CNTNAP5: variants seen among roughly 807,000 people sequenced by gnomAD.
The protein encoded by CNTNAP5 is contactin associated protein family member 5.
In CNTNAP5, 72 loss-of-function variants were observed where a neutral mutation model predicts 150.2. The observed-to-expected ratio is 0.48, with a 90% CI of 0.40 to 0.58. The LOEUF (loss-of-function observed/expected upper bound fraction) is 0.58, where lower values mean the gene tolerates loss of function less well. Among genes scored for constraint, CNTNAP5 ranks in the 20% least tolerant of loss-of-function variants. The probability of loss-of-function intolerance (pLI) is 0.00; values close to 1 mark genes in which losing one functional copy is unlikely to be tolerated. For synonymous variants in CNTNAP5, 672 were observed against 619.8 expected (o/e 1.08, Z -1.25); for missense variants, 1,636 against 1,626.2 (o/e 1.01, Z -0.10).
At chr2:124,611,283 C>G (rs1677380004) in intron 12 of CNTNAP5, among the ~76,000 whole-genome samples, 1 of 152,182 alleles carries the variant, frequency 6.6e-6, no homozygotes, top group Non-Finnish European at 1.5e-5. Flanking sequence ...GTATCTCCAG[C>G]TAAATGCAAG....
chr2:124,769,798 G>A (rs1681151412), intron 16 of CNTNAP5, among the ~76,000 whole-genome samples: 1 of 152,138 alleles, frequency 6.6e-6, no homozygotes, highest in Admixed American at 6.5e-5. Flanking sequence ...TTCACATCCA[G>A]ACTCTGCCCC....
intron 2 of CNTNAP5, among the ~76,000 whole-genome samples, chr2:124,237,816 G>A (rs764238380): frequency 1.3e-5 from 2 of 152,048 alleles, no homozygotes; most frequent in Non-Finnish European, 2.9e-5. Flanking sequence ...CAGCCTGGGC[G>A]ACAGAGCAAG....
chr2:124,856,137 G>T (rs1677369087), intron 19 of CNTNAP5, among the ~76,000 whole-genome samples: 1 of 151,958 alleles, frequency 6.6e-6, no homozygotes, highest in South Asian at 2.1e-4. Context: ...GAAATTGTGT[G>T]TGGGGGTGTG....
chr2:124,129,938 C>T (rs1452563422), intron 1 of CNTNAP5, among the ~76,000 whole-genome samples: 2 of 152,148 alleles, frequency 1.3e-5, no homozygotes, highest in African/African-American at 4.8e-5. Context: ...CCTGAAAGCA[C>T]TGAAGACATC....
At chr2:124,246,892 G>A (rs1359917810) in intron 3 of CNTNAP5, among the ~76,000 whole-genome samples, 1 of 151,716 alleles carries the variant, frequency 6.6e-6, no homozygotes, top group African/African-American at 2.4e-5. Context: ...AAATTATGTT[G>A]CCTCTCCCCA....
chr2:124,579,520 T>A (rs1359660088), intron 11 of CNTNAP5, among the ~76,000 whole-genome samples: 1 of 152,250 alleles, frequency 6.6e-6, no homozygotes, highest in Non-Finnish European at 1.5e-5. Flanking sequence ...ATCTAGCTCA[T>A]TCTTTGATCT....
intron 21 of CNTNAP5, among the ~76,000 whole-genome samples, chr2:124,879,815 G>A (rs748076209): frequency 6.6e-6 from 1 of 152,024 alleles, no homozygotes; most frequent in Non-Finnish European, 1.5e-5. Flanking sequence ...TTTGCCCTTT[G>A]CCTGGGGAAT....
rs369793596 is a variant in CNTNAP5 at position 124,462,930 on chromosome 2, G to A, written c.919-11809G>A. 3.3e-5 allele frequency among the ~76,000 whole-genome samples: 5 copies of A among 152,348 alleles called. No individual in the cohort carries two copies. In the South Asian group the frequency reaches 8.3e-4, roughly 25 times the overall value. ...TTGGCCACCCCTCAGGAAGGCAGAT[G>A]AGGGACGAGAACGGTGAAGACCCTT... On this transcript the variant is annotated intron_variant, in intron 6 of 23. Coordinates refer to ENST00000682447, the MANE Select transcript of CNTNAP5 (RefSeq NM_001367498.1).
At chr2:124,653,911 A>ACCCCCCCCCCCCCCCCCCCCCC (rs70996088) in intron 13 of CNTNAP5, among the ~76,000 whole-genome samples, 1 of 57,494 alleles carries the variant, frequency 1.7e-5, no homozygotes. Flanking sequence ...ACTGCCCCCA[A>ACCCCCCCCCCCCCCCCCCCCCC]CCCCCCCCCC....
intron 3 of CNTNAP5, among the ~76,000 whole-genome samples, chr2:124,267,114 C>T (rs1010541473): frequency 6.6e-6 from 1 of 152,010 alleles, no homozygotes; most frequent in African/African-American, 2.4e-5. Flanking sequence ...TAAAGACTGC[C>T]TGCCCCTGAA....
chr2:124,053,805 T>C (rs1006139311), intron 1 of CNTNAP5, among the ~76,000 whole-genome samples: 3 of 152,168 alleles, frequency 2.0e-5, no homozygotes, highest in African/African-American at 7.2e-5. Context: ...TGGGGCAATA[T>C]AATCCAGAAG....
chr2:124,789,370 T>C (rs1253859098), intron 17 of CNTNAP5, among the ~76,000 whole-genome samples: 1 of 151,774 alleles, frequency 6.6e-6, no homozygotes, highest in East Asian at 1.9e-4. Context: ...AGGGAGGGGG[T>C]TCCCAGCCTA....
chr2:124,035,735 A>G (rs1681195145), intron 1 of CNTNAP5, among the ~76,000 whole-genome samples: 2 of 152,036 alleles, frequency 1.3e-5, no homozygotes, highest in African/African-American at 4.8e-5. Flanking sequence ...TGATGACCCA[A>G]GTTTATTAGC....
At chr2:124,212,185 A>T (rs914225534) in intron 1 of CNTNAP5, among the ~76,000 whole-genome samples, 4 of 152,192 alleles carry the variant, frequency 2.6e-5, no homozygotes, top group Non-Finnish European at 4.4e-5. Flanking sequence ...TTTTAATTTT[A>T]AAAAAGTTCT....
intron 11 of CNTNAP5, among the ~76,000 whole-genome samples, chr2:124,602,140 C>T (rs1406005912): frequency 6.6e-6 from 1 of 151,852 alleles, no homozygotes; most frequent in Non-Finnish European, 1.5e-5. Context: ...GTCAGGAGTT[C>T]GAGACCAGCC....
chr2:124,822,985 A>G (rs1282731539), intron 19 of CNTNAP5, among the ~76,000 whole-genome samples: 4 of 152,238 alleles, frequency 2.6e-5, no homozygotes, highest in African/African-American at 9.6e-5. Context: ...ATGGAGGTGC[A>G]TAAGGCATGT....
At chr2:124,528,378 T>A (rs1445430323) in intron 10 of CNTNAP5, among the ~76,000 whole-genome samples, 1 of 152,066 alleles carries the variant, frequency 6.6e-6, no homozygotes, top group Non-Finnish European at 1.5e-5. Context: ...TTTCAGAAGG[T>A]GATGCTGAGT....
chr2:124,903,155 TCTTCAAGAAG>T, intron 22 of CNTNAP5, 55 bp downstream of exon 22: 1 of 1,164,930 alleles, frequency 8.6e-7, no homozygotes, highest in Non-Finnish European at 1.2e-6. Context: ...ACTTTTTGTG[TCTTCAAGAAG>T]CTTCCAGATT....
chr2:124,183,358 C>T (rs1039150615), intron 1 of CNTNAP5, among the ~76,000 whole-genome samples: 1 of 152,232 alleles, frequency 6.6e-6, no homozygotes, highest in African/African-American at 2.4e-5. Flanking sequence ...TCTTAAAAAC[C>T]TTTAATGGTT....
Sources: allele counts gnomAD v4.1 joint callset (sites outside exome capture counted in the v4.1 genomes callset), GRCh38; gene constraint gnomAD v4.1.1; transcripts MANE v1.5; gene names NCBI Gene and HGNC (gene_info 2026-07-23, HGNC 2026-07-21).